Variants in TRPM3 observed in about 807,000 individuals in gnomAD.
TRPM3 encodes transient receptor potential cation channel subfamily M member 3, also known as long transient receptor potential channel 3.
In TRPM3, 77 loss-of-function variants were observed where a neutral mutation model predicts 181.2. The observed-to-expected ratio is 0.42, with a 90% CI of 0.35 to 0.51. The LOEUF (loss-of-function observed/expected upper bound fraction) is 0.51. TRPM3 is among the 20% of genes least tolerant of loss of function. The probability of loss-of-function intolerance (pLI) is 0.01; values close to 1 mark genes in which losing one functional copy is unlikely to be tolerated. For missense variants in TRPM3, 1,759 were observed against 2,196.7 expected, an observed-to-expected ratio of 0.80 and a Z score of 3.98; for synonymous variants, 745 against 796.4, an observed-to-expected ratio of 0.94 and a Z score of 1.09.
intron 3 of TRPM3, among the ~76,000 whole-genome samples, chr9:70,862,034 C>T (rs2132384381): frequency 6.6e-6 from 1 of 152,080 alleles, no homozygotes. Context: ...TTTAGACTGC[C>T]ATTCATGTGA....
In TRPM3 at chr9:70,549,683, A is replaced by G. The variant is rs1490485789; in HGVS notation, c.3575-9T>C. 2.2e-5 allele frequency: 34 copies of G among 1,548,472 alleles called. No homozygotes were observed. Among genetic ancestry groups the G allele is most frequent in the Admixed American group, 5.8e-5 (3 of 51,920 alleles). On this transcript the variant is annotated splice_polypyrimidine_tract_variant and intron_variant, in intron 24 of 25. Transcript: ENST00000677713. ...ATCGGTTATGAAGAGTTCTGTGGAA[A>G]AAAAAAAAAAGGAAGTCTTGAGGGA...
chr9:70,852,066 C>G (rs940469311), intron 3 of TRPM3, among the ~76,000 whole-genome samples: 3 of 129,830 alleles, frequency 2.3e-5, no homozygotes, highest in African/African-American at 9.0e-5. Context: ...TTGCGGTGAG[C>G]TGAGATCACG....
At chr9:70,692,874 T>C (rs1179896767) in intron 8 of TRPM3, among the ~76,000 whole-genome samples, 1 of 152,134 alleles carries the variant, frequency 6.6e-6, no homozygotes, top group Non-Finnish European at 1.5e-5. Context: ...TTTGGGGTTT[T>C]TTAAAGCACA....
rs7873383 is a variant in TRPM3 at position 71,283,390 on chromosome 9, G to T, written c.183+163263C>A. Reference sequence around the variant, plus strand: ...TGGCTCACTGCAAGCTGTGCCTCCCGGGTTCACGCCATTCTCCTGCCTCAG... The same window carrying T: ...TGGCTCACTGCAAGCTGTGCCTCCCTGGTTCACGCCATTCTCCTGCCTCAG... On this transcript the variant is annotated intron_variant, in intron 1 of 24. Coordinates refer to the TRPM3 transcript ENST00000357533. 3.3e-5 allele frequency among the ~76,000 whole-genome samples: 5 copies of T among 152,102 alleles called. No individual in the cohort carries two copies. The East Asian group carries it at 9.7e-4, about 29-fold the overall frequency.
At chr9:71,410,300 A>C (rs1287042958) in intron 1 of TRPM3, among the ~76,000 whole-genome samples, 1 of 151,786 alleles carries the variant, frequency 6.6e-6, no homozygotes, top group Non-Finnish European at 1.5e-5. Flanking sequence ...AAACACTTAA[A>C]AAAAAAATCA....
chr9:70,838,444 G>A (rs763078823), intron 5 of TRPM3, among the ~76,000 whole-genome samples: 3 of 152,184 alleles, frequency 2.0e-5, no homozygotes, highest in Non-Finnish European at 4.4e-5. Flanking sequence ...GGAAGGGGCT[G>A]TCCAGCCTCC....
chr9:71,197,125 G>GT (rs1489592372), intron 1 of TRPM3, among the ~76,000 whole-genome samples: 1 of 152,036 alleles, frequency 6.6e-6, no homozygotes, highest in African/African-American at 2.4e-5. Flanking sequence ...GCGATGTTTG[G>GT]TTTTTTGTCC....
At chr9:71,294,176 C>G (rs1166697202) in intron 1 of TRPM3, among the ~76,000 whole-genome samples, 3 of 151,800 alleles carry the variant, frequency 2.0e-5, no homozygotes, top group Non-Finnish European at 4.4e-5. Context: ...TTCTGTTTAT[C>G]AAGAGGAACC....
intron 1 of TRPM3, among the ~76,000 whole-genome samples, chr9:71,418,003 T>A (rs1364990369): frequency 6.6e-6 from 1 of 151,658 alleles, no homozygotes; most frequent in African/African-American, 2.4e-5. Context: ...ACATGAAAAA[T>A]ATAAAAAGGG....
chr9:71,115,110 C>A (rs2072036983), intron 1 of TRPM3, among the ~76,000 whole-genome samples: 1 of 152,046 alleles, frequency 6.6e-6, no homozygotes, highest in Non-Finnish European at 1.5e-5. Context: ...TACTTAAAAC[C>A]TTTTGCTCCC....
intron 1 of TRPM3, among the ~76,000 whole-genome samples, chr9:71,162,981 T>C (rs1475347830): frequency 1.3e-5 from 2 of 152,148 alleles, no homozygotes; most frequent in South Asian, 2.1e-4. Flanking sequence ...ATTTACATAG[T>C]GCATGTGGGA....
intron 16 of TRPM3, 28 bp downstream of exon 16, chr9:70,620,048 A>G (rs1392840839): frequency 6.3e-7 from 1 of 1,583,562 alleles, no homozygotes. Flanking sequence ...TCTCCCCCTG[A>G]CCAGCCCATT....
At position 71,233,549 on chromosome 9, in the gene TRPM3, C is replaced by T. The variant is rs1168519167; in HGVS notation, c.183+213104G>A. Among the ~76,000 whole-genome samples, 3 of 152,092 alleles carry T rather than the reference C, an allele frequency of 2.0e-5. No individual in the cohort carries two copies. In the East Asian group the frequency reaches 5.8e-4, roughly 29 times the overall value. ...ACCATAAAAACAAAAAAATCATTAT[C>T]TTATACAATATTCTGTGGGGAACAG... On this transcript the variant is annotated intron_variant, in intron 1 of 24. Coordinates refer to the TRPM3 transcript ENST00000357533.
At chr9:71,422,140 G>A (rs2093787231) in intron 1 of TRPM3, among the ~76,000 whole-genome samples, 1 of 151,952 alleles carries the variant, frequency 6.6e-6, no homozygotes, top group South Asian at 2.1e-4. Context: ...AGGGGTCTCA[G>A]ATGAGAATTT....
At chr9:70,560,544 A>C (rs983648065) in intron 22 of TRPM3, among the ~76,000 whole-genome samples, 1 of 152,234 alleles carries the variant, frequency 6.6e-6, no homozygotes, top group Non-Finnish European at 1.5e-5. Context: ...AGGGAGGCTC[A>C]GAACACTTTA....
chr9:71,043,496 T>C (rs1446763103), intron 1 of TRPM3, among the ~76,000 whole-genome samples: 1 of 152,174 alleles, frequency 6.6e-6, no homozygotes, highest in Non-Finnish European at 1.5e-5. Context: ...GAAGGAAAAC[T>C]AGGACCCAGA....
chr9:70,618,094 T>C (rs1208456946), intron 17 of TRPM3, among the ~76,000 whole-genome samples: 4 of 152,058 alleles, frequency 2.6e-5, no homozygotes, highest in Non-Finnish European at 5.9e-5. Context: ...TTTTTCTGTC[T>C]TTCTTTTCCT....
chr9:71,257,770 CAG>C (rs1447249253), intron 1 of TRPM3, among the ~76,000 whole-genome samples: 1 of 152,124 alleles, frequency 6.6e-6, no homozygotes, highest in Non-Finnish European at 1.5e-5. Context: ...AAAGCTGAGA[CAG>C]AGTACTGGTA....
intron 3 of TRPM3, among the ~76,000 whole-genome samples, chr9:70,847,162 T>C (rs924354628): frequency 6.6e-6 from 1 of 152,174 alleles, no homozygotes; most frequent in African/African-American, 2.4e-5. Flanking sequence ...GGACAACTAT[T>C]CTTGAAGAAT....
Sources: gnomAD v4.1 joint callset for allele counts (sites outside exome capture counted in the v4.1 genomes callset) on GRCh38, gnomAD v4.1.1 for gene constraint, MANE v1.5 for transcripts, NCBI Gene and HGNC (gene_info 2026-07-23, HGNC 2026-07-21) for gene names.